HTRA3: variants seen among roughly 807,000 people sequenced by gnomAD.
HTRA3 encodes the protein HtrA serine peptidase 3.
Under a neutral mutation model 43.2 loss-of-function variants are expected in HTRA3, and 41 were observed. The ratio of observed to expected loss-of-function variants is 0.95; its 90% confidence interval spans 0.74 to 1.23. HTRA3 has a LOEUF of 1.23. Ranked by LOEUF, HTRA3 falls within the 50% of genes most tolerant of loss-of-function variation. HTRA3 has a pLI of 0.00. For synonymous variants in HTRA3, 295 were observed against 287.9 expected (o/e 1.02, Z -0.25); for missense variants, 628 against 647.1 (o/e 0.97, Z 0.32).
chr4:8,285,175 TCA>T (rs958397549), intron 2 of HTRA3, among the ~76,000 whole-genome samples: 10 of 152,176 alleles, frequency 6.6e-5, no homozygotes, highest in African/African-American at 2.4e-4. Context: ...CACTCTGATG[TCA>T]CCGTAACTTC....
Position 8,295,749 on chromosome 4 carries a change from T to A in HTRA3, c.1051+1548T>A. 7.6e-7 allele frequency: 1 copy of A among 1,318,640 alleles called. No homozygotes were observed. Among genetic ancestry groups the A allele is most frequent in the South Asian group, 2.2e-5 (1 of 46,486 alleles). The allele number at this position is 1,318,640 out of a possible 1,614,324, so 81.7% of individuals were successfully genotyped here. ...GGGGCTTCCTCACGTTTCCCCCTCCTCCATGACCCCGTCAGCCAAGCACAT... is the reference window on the plus strand; with the variant it reads ...GGGGCTTCCTCACGTTTCCCCCTCCACCATGACCCCGTCAGCCAAGCACAT... On this transcript the variant is annotated intron_variant, in intron 6 of 8. Transcript: ENST00000307358. This position sits in a 1 kb window ranked among gnomAD's most constrained non-coding sequence, Gnocchi z 6.9.
rs1578782922 is a variant in HTRA3, at chr4:8,270,301, G to A, written c.333G>A (p.Leu111=). 1 of 1,476,368 alleles carries A rather than the reference G, an allele frequency of 6.8e-7. No homozygotes were observed. The highest frequency in any genetic ancestry group is 8.9e-7 in the Non-Finnish European group (1 of 1,120,568). 91.5% of individuals were successfully genotyped at this position (1,476,368 alleles called of 1,614,324 possible). A position where few individuals can be genotyped will look rare whatever the true frequency, so the allele number is the denominator to read the frequency against. Residue 111 remains leucine (L), a synonymous_variant, in exon 1 of 9, where the codon CTG becomes CTA. Transcript: ENST00000307358. Reference sequence around the variant, plus strand: ...TGCAGGCGGCCAGCCGCCGCGCGCTGCAGCTCTCCGGGACGCCCGTGCGCC... The same window carrying A: ...TGCAGGCGGCCAGCCGCCGCGCGCTACAGCTCTCCGGGACGCCCGTGCGCC... ...CALQAASRRA[L]QLSGTPVRQL...
Position 8,304,223 on chromosome 4 carries a change from A to G in HTRA3, c.1140A>G (p.Pro380=), listed in dbSNP as rs756930990. 1.1e-5 allele frequency: 18 copies of G among 1,614,216 alleles called. 1 individual carries two copies. Among genetic ancestry groups the G allele is most frequent in the South Asian group, 2.2e-5 (2 of 91,090 alleles). The change falls in exon 8 of 9, where the codon CCA becomes CCG. Residue 380 remains proline, a synonymous_variant. Transcript: ENST00000307358. ...DELKASNPDF[P]EVSSGIYVQE... is the part of the protein sequence containing the mutation. ...TGAAGGCCAGCAACCCGGACTTCCCAGAGGTCAGCAGTGGAATTTATGTGC... is the reference window on the plus strand; with the variant it reads ...TGAAGGCCAGCAACCCGGACTTCCCGGAGGTCAGCAGTGGAATTTATGTGC...
intron 1 of HTRA3, among the ~76,000 whole-genome samples, chr4:8,272,123 A>T (rs1239789192): frequency 6.6e-6 from 1 of 152,176 alleles, no homozygotes; most frequent in Non-Finnish European, 1.5e-5. Context: ...CGTGGAAGGC[A>T]CTATGAGAAT....
At chr4:8,284,232 C>A (rs1712869905) in intron 2 of HTRA3, among the ~76,000 whole-genome samples, 1 of 152,232 alleles carries the variant, frequency 6.6e-6, no homozygotes, top group Admixed American at 6.5e-5. Flanking sequence ...CCTCACTGCC[C>A]TTCCCTCGAG....
Position 8,282,527 on chromosome 4 carries a change from T to C in HTRA3, c.476T>C (p.Leu159Pro). Residue 159 changes from leucine (L) to proline (P), a missense_variant, in exon 2 of 9, where the codon CTC becomes CCC. Leu to Pro is a moderately conservative substitution (Grantham distance 98, BLOSUM62 -3). Coordinates refer to ENST00000307358, the MANE Select transcript of HTRA3 (RefSeq NM_053044.5). Reference sequence around the variant, plus strand: ...GCACCAGCCGTGGTCCACATAGAGCTCTTCCTGAGGTGGGTGAATACCCCT... The same window carrying C: ...GCACCAGCCGTGGTCCACATAGAGCCCTTCCTGAGGTGGGTGAATACCCCT... ...KIAPAVVHIE[L>P]FLRHPLFGRN... 1 of 1,613,376 alleles carries C rather than the reference T, an allele frequency of 6.2e-7. No individual in the cohort carries two copies. Among genetic ancestry groups the C allele is most frequent in the Non-Finnish European group, 8.5e-7 (1 of 1,179,398 alleles).
chr4:8,280,579 T>A (rs1320969787), intron 1 of HTRA3, among the ~76,000 whole-genome samples: 1 of 152,134 alleles, frequency 6.6e-6, no homozygotes, highest in East Asian at 1.9e-4. Context: ...TTTGTAGGTG[T>A]CGAGCAGGGC....
intron 3 of HTRA3, among the ~76,000 whole-genome samples, chr4:8,287,525 GGA>G: frequency 6.6e-6 from 1 of 152,010 alleles, no homozygotes. Flanking sequence ...GGGGAAGCAG[GGA>G]CATCTTCTCA....
chr4:8,293,431 A>G (rs890671095), intron 5 of HTRA3, among the ~76,000 whole-genome samples: 3 of 152,056 alleles, frequency 2.0e-5, no homozygotes, highest in African/African-American at 7.2e-5. Context: ...CCTTGACCCA[A>G]AGCTCTGCCC....
intron 1 of HTRA3, among the ~76,000 whole-genome samples, chr4:8,276,971 G>C (rs868767457): frequency 6.6e-6 from 1 of 152,250 alleles, no homozygotes; most frequent in Non-Finnish European, 1.5e-5. Context: ...ACAAACTTCG[G>C]AGCCCAGCCT....
intron 6 of HTRA3, 111 bp from the exon 7 acceptor site, chr4:8,302,352 C>T (rs1254742036): frequency 8.2e-6 from 8 of 978,658 alleles, no homozygotes; most frequent in South Asian, 1.3e-5. Context: ...AGAATGACAC[C>T]TGCTGCTTCC....
intron 1 of HTRA3, among the ~76,000 whole-genome samples, chr4:8,278,727 T>C (rs1219080911): frequency 2.6e-5 from 4 of 152,130 alleles, no homozygotes; most frequent in Admixed American, 6.5e-5. Flanking sequence ...TGGGGTTGCC[T>C]AGACCCTGAA....
At chr4:8,290,211 GC>G (rs1560139438) in intron 3 of HTRA3, among the ~76,000 whole-genome samples, 1 of 152,248 alleles carries the variant, frequency 6.6e-6, no homozygotes. Context: ...ACCAGCGCCC[GC>G]CCACCAAGGG....
chr4:8,290,630 T>C (rs1432362313), intron 3 of HTRA3, among the ~76,000 whole-genome samples: 1 of 152,210 alleles, frequency 6.6e-6, no homozygotes, highest in African/African-American at 2.4e-5. Context: ...TGTGTGTGTG[T>C]GCGCTTCGGC....
intron 1 of HTRA3, among the ~76,000 whole-genome samples, chr4:8,277,767 G>A (rs1003242618): frequency 6.6e-6 from 1 of 152,232 alleles, no homozygotes; most frequent in African/African-American, 2.4e-5. Context: ...CATCTGGTCT[G>A]TAGACCATGG....
chr4:8,300,815 TATTG>T (rs1223944128), intron 6 of HTRA3, among the ~76,000 whole-genome samples: 2 of 152,104 alleles, frequency 1.3e-5, no homozygotes, highest in Non-Finnish European at 2.9e-5. Flanking sequence ...TCAGCTTTAT[TATTG>T]ATTCACACTC....
At chr4:8,284,259 A>G (rs1252600903) in intron 2 of HTRA3, among the ~76,000 whole-genome samples, 4 of 152,140 alleles carry the variant, frequency 2.6e-5, no homozygotes, top group African/African-American at 7.2e-5. Flanking sequence ...GCCCTGAGAC[A>G]TGTCATTGAG....
In HTRA3 at chr4:8,305,999, G is replaced by T; in HGVS notation, c.1225G>T (p.Val409Phe). The change falls in exon 9 of 9, where the codon GTC (valine) becomes TTC (phenylalanine). Residue 409 changes from valine (V) to phenylalanine (F), a missense_variant. By Grantham distance (50) the Val-to-Phe change is conservative. Transcript: ENST00000307358. ...RGGIQDGDII[V>F]KVNGRPLVDS... Reference sequence around the variant, plus strand: ...CGGCATCCAAGATGGTGACATCATCGTCAAGGTCAACGGGCGTCCTCTAGT... The same window carrying T: ...CGGCATCCAAGATGGTGACATCATCTTCAAGGTCAACGGGCGTCCTCTAGT... The T allele has an allele frequency of 6.2e-7, 1 of 1,612,108 alleles. No homozygotes were observed. The highest frequency in any genetic ancestry group is 8.5e-7 in the Non-Finnish European group (1 of 1,179,616).
Position 8,270,303 on chromosome 4 carries a change from A to G in HTRA3, c.335A>G (p.Gln112Arg). 1 of 1,475,566 alleles carries G rather than the reference A, an allele frequency of 6.8e-7. No individual in the cohort carries two copies. Among genetic ancestry groups the G allele is most frequent in the Non-Finnish European group, 8.9e-7 (1 of 1,120,278 alleles). 91.4% of individuals were successfully genotyped at this position (1,475,566 alleles called of 1,614,324 possible). The change falls in exon 1 of 9, where the codon CAG (glutamine) becomes CGG (arginine). Residue 112 changes from glutamine (Q) to arginine (R), a missense_variant. Gln to Arg is a conservative substitution (Grantham distance 43, BLOSUM62 1). Coordinates refer to ENST00000307358, the MANE Select transcript of HTRA3 (RefSeq NM_053044.5). ...ALQAASRRAL[Q>R]LSGTPVRQLQ... ...CAGGCGGCCAGCCGCCGCGCGCTGC[A>G]GCTCTCCGGGACGCCCGTGCGCCAG...
Sources: allele counts gnomAD v4.1 joint callset (sites outside exome capture counted in the v4.1 genomes callset), GRCh38; gene constraint gnomAD v4.1.1; non-coding constraint Gnocchi (gnomAD v3.1); transcripts MANE v1.5; gene names NCBI Gene and HGNC (gene_info 2026-07-23, HGNC 2026-07-21).